Variants in CSMD1 observed in about 807,000 individuals in gnomAD.
CSMD1 encodes the protein CUB and sushi domain-containing protein 1.
A neutral mutation model predicts 417.5 loss-of-function variants in CSMD1; 213 were observed. The ratio of observed to expected loss-of-function variants is 0.51; its 90% CI spans 0.46 to 0.57. The LOEUF is 0.57. Ranked by LOEUF, CSMD1 falls within the 20% of genes least tolerant of loss-of-function variation. The probability of loss-of-function intolerance (pLI) is 0.00; values close to 1 mark genes in which losing one functional copy is unlikely to be tolerated. For missense variants in CSMD1, 6,923 were observed against 4,529.7 expected, an observed-to-expected ratio of 1.53 and a Z score of -15.17; for synonymous variants, 2,862 against 1,736.8, an observed-to-expected ratio of 1.65 and a Z score of -16.11.
chr8:3,175,510 T>TGCCTGCCTGCCTTCC (rs1554451344), intron 37 of CSMD1, among the ~76,000 whole-genome samples: 60 of 133,040 alleles, frequency 4.5e-4, no homozygotes, highest in African/African-American at 1.4e-3. Flanking sequence ...CCTGCCTGCC[T>TGCCTGCCTGCCTTCC]TTTTTCCTTC....
At chr8:3,414,882 G>C (rs112539227) in intron 12 of CSMD1, among the ~76,000 whole-genome samples, 98 of 152,104 alleles carry the variant, frequency 6.4e-4, no homozygotes, top group African/African-American at 2.3e-3. Flanking sequence ...GCGCTTGCTC[G>C]GGGATGGCCT....
intron 3 of CSMD1, among the ~76,000 whole-genome samples, chr8:4,131,372 A>G (rs1272797392): frequency 2.6e-5 from 4 of 152,104 alleles, no homozygotes; most frequent in Non-Finnish European, 4.4e-5. Flanking sequence ...TCAAAATAAT[A>G]TTCTAATCAC....
rs535395662 is a variant in CSMD1, at chr8:4,867,941, T to G, written c.85+126391A>C. Among the ~76,000 whole-genome samples, 58 of 133,202 alleles carry G rather than the reference T, an allele frequency of 4.4e-4. 1 individual carries two copies. The highest frequency in any genetic ancestry group is 1.5e-3 in the African/African-American group (55 of 36,952). 87.4% of individuals were successfully genotyped at this position (133,202 alleles called of 152,430 possible). A position where few individuals can be genotyped will look rare whatever the true frequency, so the allele number is the denominator to read the frequency against. On this transcript the variant is annotated intron_variant, in intron 1 of 69. Coordinates refer to ENST00000635120, the MANE Select transcript of CSMD1 (RefSeq NM_033225.6). ...GCTAAGACCCTACTGTCTACGTGTGTGTGTTTCTACAAGTGCCTTAGATAT... is the reference window on the plus strand; with the variant it reads ...GCTAAGACCCTACTGTCTACGTGTGGGTGTTTCTACAAGTGCCTTAGATAT...
At chr8:4,268,322 T>A (rs1317580112) in intron 3 of CSMD1, among the ~76,000 whole-genome samples, 7 of 152,134 alleles carry the variant, frequency 4.6e-5, no homozygotes, top group African/African-American at 7.2e-5. Flanking sequence ...CATTATGACC[T>A]GAATATTAAT....
intron 3 of CSMD1, among the ~76,000 whole-genome samples, chr8:4,068,194 G>A (rs529592554): frequency 6.6e-6 from 1 of 152,304 alleles, no homozygotes; most frequent in Non-Finnish European, 1.5e-5. Context: ...TGGCAGAAGG[G>A]CAGAAAAATC....
At chr8:4,532,051 G>A (rs529565176) in intron 2 of CSMD1, among the ~76,000 whole-genome samples, 33 of 130,244 alleles carry the variant, frequency 2.5e-4, no homozygotes, top group Admixed American at 3.4e-4. Flanking sequence ...CAGTCACTCC[G>A]GAAAATAAAT....
intron 3 of CSMD1, among the ~76,000 whole-genome samples, chr8:4,257,991 G>C (rs916053159): frequency 2.6e-5 from 4 of 152,058 alleles, no homozygotes; most frequent in Non-Finnish European, 4.4e-5. Flanking sequence ...GAATATCATA[G>C]AATAAGTGGA....
intron 1 of CSMD1, among the ~76,000 whole-genome samples, chr8:4,771,580 G>A (rs1016987470): frequency 1.3e-5 from 2 of 152,130 alleles, no homozygotes; most frequent in African/African-American, 2.4e-5. Context: ...AAAAGAAATG[G>A]GATGTTGAAA....
chr8:4,302,008 G>C (rs1014395902), intron 3 of CSMD1, among the ~76,000 whole-genome samples: 5 of 152,152 alleles, frequency 3.3e-5, no homozygotes, highest in Non-Finnish European at 7.3e-5. Context: ...AAGTTAATAT[G>C]AGTTTATTTT....
At chr8:3,697,658 A>C (rs1563283711) in intron 7 of CSMD1, among the ~76,000 whole-genome samples, 1 of 152,218 alleles carries the variant, frequency 6.6e-6, no homozygotes, top group African/African-American at 2.4e-5. Context: ...AACATGAATC[A>C]TTCATAATCC....
At chr8:3,835,806 G>T (rs909282057) in intron 5 of CSMD1, among the ~76,000 whole-genome samples, 4 of 151,600 alleles carry the variant, frequency 2.6e-5, no homozygotes, top group Non-Finnish European at 2.9e-5. Flanking sequence ...GTTCCTAAGA[G>T]TAATTTTTCA....
chr8:3,564,923 T>C (rs1431687846), intron 10 of CSMD1, among the ~76,000 whole-genome samples: 2 of 143,672 alleles, frequency 1.4e-5, no homozygotes, highest in South Asian at 4.8e-4. Context: ...TGTTGGAGAG[T>C]TGACAAGGAC....
At chr8:3,609,811 C>CTTTTTTTTTTTTTTTTT (rs71534362) in intron 8 of CSMD1, among the ~76,000 whole-genome samples, 1 of 75,262 alleles carries the variant, frequency 1.3e-5, no homozygotes, top group Non-Finnish European at 2.4e-5. Context: ...AGTATCTTCC[C>CTTTTTTTTTTTTTTTTT]TTTTTTTTTT....
intron 3 of CSMD1, among the ~76,000 whole-genome samples, chr8:4,156,382 A>C (rs1184397121): frequency 6.6e-5 from 10 of 152,218 alleles, no homozygotes; most frequent in Admixed American, 5.9e-4. Context: ...GCAGAAGCCA[A>C]TGGCAAGTCC....
intron 33 of CSMD1, among the ~76,000 whole-genome samples, chr8:3,191,462 T>TA (rs1252034280): frequency 6.6e-6 from 1 of 151,758 alleles, no homozygotes; most frequent in East Asian, 1.9e-4. Flanking sequence ...ATAAATAAAG[T>TA]AAAAAATGAA....
intron 1 of CSMD1, among the ~76,000 whole-genome samples, chr8:4,706,186 T>A (rs1244660278): frequency 1.3e-5 from 2 of 151,558 alleles, no homozygotes; most frequent in African/African-American, 2.4e-5. Flanking sequence ...ATTTTTTCAA[T>A]ATATTTTTTC....
chr8:4,134,145 A>G (rs1354125920), intron 3 of CSMD1, among the ~76,000 whole-genome samples: 2 of 152,328 alleles, frequency 1.3e-5, no homozygotes, highest in East Asian at 1.9e-4. Flanking sequence ...TGATTTAATG[A>G]CATTGAAACT....
chr8:3,272,147 A>G (rs945892430), intron 26 of CSMD1, among the ~76,000 whole-genome samples: 2 of 146,866 alleles, frequency 1.4e-5, no homozygotes, highest in Non-Finnish European at 3.0e-5. Context: ...CTTTCTGCAT[A>G]TGGTTAGCCA....
At chr8:4,343,316 T>G (rs774931898) in intron 3 of CSMD1, among the ~76,000 whole-genome samples, 1 of 152,072 alleles carries the variant, frequency 6.6e-6, no homozygotes, top group Admixed American at 6.6e-5. Context: ...TACAAAATTT[T>G]AGTAAGAGAA....
Sources: allele counts gnomAD v4.1 joint callset (sites outside exome capture counted in the v4.1 genomes callset), GRCh38; gene constraint gnomAD v4.1.1; transcripts MANE v1.5; gene names NCBI Gene and HGNC (gene_info 2026-07-23, HGNC 2026-07-21).